The following DDR2 variants were observed in gnomAD, a reference collection of about 807,000 sequenced individuals.
The protein encoded by DDR2 is discoidin domain-containing receptor 2.
A neutral mutation model predicts 94.9 loss-of-function variants in DDR2; 27 were observed. The ratio of observed to expected loss-of-function variants is 0.28; its 90% CI spans 0.21 to 0.39. The LOEUF (loss-of-function observed/expected upper bound fraction) is 0.39, where lower values mean the gene tolerates loss of function less well. Ranked by LOEUF, DDR2 falls within the 10% of genes least tolerant of loss-of-function variation. The probability of loss-of-function intolerance (pLI) is 1.00; values close to 1 mark genes in which losing one functional copy is unlikely to be tolerated. For missense variants in DDR2, 783 were observed against 1,076.0 expected, an observed-to-expected ratio of 0.73 and a Z score of 3.81; for synonymous variants, 382 against 377.2, an observed-to-expected ratio of 1.01 and a Z score of -0.15.
At chr1:162,694,007 C>G (rs527930293) in intron 2 of DDR2, among the ~76,000 whole-genome samples, 14 of 152,172 alleles carry the variant, frequency 9.2e-5, no homozygotes, top group African/African-American at 3.1e-4. Flanking sequence ...TCTCGAGTAG[C>G]TGGGATTACA....
At chr1:162,705,055 C>T (rs759384771) in intron 2 of DDR2, 4 of 152,266 alleles carry the variant, frequency 2.6e-5, no homozygotes, top group African/African-American at 4.8e-5. Context: ...TTTGCAGATG[C>T]CTCCCAGGAC....
At chr1:162,657,637 A>G (rs1454157052) in intron 2 of DDR2, among the ~76,000 whole-genome samples, 1 of 152,122 alleles carries the variant, frequency 6.6e-6, no homozygotes, top group Non-Finnish European at 1.5e-5. Flanking sequence ...TCTGACACAG[A>G]TATTGTAGCA....
At chr1:162,633,494 A>G (rs1166521792) in intron 1 of DDR2, among the ~76,000 whole-genome samples, 2 of 152,204 alleles carry the variant, frequency 1.3e-5, no homozygotes, top group African/African-American at 4.8e-5. Flanking sequence ...CCTCTCATCT[A>G]ACCCCTTCGC....
At chr1:162,756,621 C>G (rs751899453) in intron 7 of DDR2, among the ~76,000 whole-genome samples, 1 of 152,064 alleles carries the variant, frequency 6.6e-6, no homozygotes, top group Non-Finnish European at 1.5e-5. Flanking sequence ...TGACAGGGCT[C>G]GAGAGAAGGA....
Position 162,761,369 on chromosome 1 carries a change from C to T in DDR2, c.1014C>T (p.Leu338=), listed in dbSNP as rs780534237. ...NPSARFVTVP[L]HHRMASAIKC... ...GTGCTCGGTTTGTCACGGTGCCTCT[C>T]CACCACCGAATGGCCAGTGCCATCA... Residue 338 remains leucine (L), a synonymous_variant, in exon 9 of 18, where the codon CTC becomes CTT. Transcript: ENST00000367921. The T allele has an allele frequency of 6.2e-7, 1 of 1,614,216 alleles. No individual in the cohort carries two copies. The highest frequency in any genetic ancestry group is 8.5e-7 in the Non-Finnish European group (1 of 1,180,036).
intron 1 of DDR2, among the ~76,000 whole-genome samples, chr1:162,649,258 A>T (rs1657561839): frequency 6.6e-6 from 1 of 152,156 alleles, no homozygotes; most frequent in Non-Finnish European, 1.5e-5. Flanking sequence ...TATCCAAGAG[A>T]GGGCGAGCTT....
rs1419195358 is a variant in DDR2 at position 162,786,833 on chromosome 1, C to T, written c.*6587C>T. Reference sequence around the variant, plus strand: ...GAGACACTGGGATTTTACGTCCTCACATTAATTAGTCCAGTTCTGGGGAAT... The same window carrying T: ...GAGACACTGGGATTTTACGTCCTCATATTAATTAGTCCAGTTCTGGGGAAT... On this transcript the variant is annotated 3_prime_UTR_variant, in exon 18 of 18. Transcript: ENST00000367921. The T allele has an allele frequency of 6.6e-6, 1 of 152,222 alleles. No homozygotes were observed. Among genetic ancestry groups the T allele is most frequent in the Non-Finnish European group, 1.5e-5 (1 of 68,052 alleles). 9.4% of individuals were successfully genotyped at this position (152,222 alleles called of 1,614,324 possible).
At chr1:162,769,547 T>A (rs1339995142) in intron 11 of DDR2, among the ~76,000 whole-genome samples, 3 of 152,216 alleles carry the variant, frequency 2.0e-5, no homozygotes, top group Non-Finnish European at 4.4e-5. Context: ...AAAGTGCACA[T>A]CTAAGTTTCG....
chr1:162,729,939 C>G (rs1018358623), intron 3 of DDR2, among the ~76,000 whole-genome samples: 68 of 150,716 alleles, frequency 4.5e-4, no homozygotes, highest in Non-Finnish European at 8.0e-4. Flanking sequence ...GACGAGGTTT[C>G]TCCATGTTGG....
chr1:162,727,926 A>T (rs1352612168), intron 3 of DDR2, among the ~76,000 whole-genome samples: 2 of 146,936 alleles, frequency 1.4e-5, no homozygotes, highest in African/African-American at 2.5e-5. Context: ...ACAGGCCAGG[A>T]CCAAGAGCTA....
At chr1:162,720,016 A>C (rs1464238467) in intron 3 of DDR2, among the ~76,000 whole-genome samples, 7 of 152,188 alleles carry the variant, frequency 4.6e-5, no homozygotes, top group Admixed American at 4.6e-4. Flanking sequence ...TTTTCAAGCC[A>C]CTGCTGAAAT....
At chr1:162,770,980 A>G (rs1453064600) in intron 12 of DDR2, among the ~76,000 whole-genome samples, 2 of 152,250 alleles carry the variant, frequency 1.3e-5, no homozygotes, top group Non-Finnish European at 2.9e-5. Context: ...CATTTAAATA[A>G]CTAAAATAAA....
chr1:162,756,285 A>G lies in DDR2; in HGVS notation c.671+516A>G, dbSNP rs551468573. On this transcript the variant is annotated intron_variant, in intron 7 of 17. Transcript: ENST00000367921. ...AATTGTAGCAGAGGAAGGTAGGTAG[A>G]AGGTAGCAGAAGAAAGGAAGCAGGG... 3.9e-5 allele frequency among the ~76,000 whole-genome samples: 6 copies of G among 152,308 alleles called. No homozygotes were observed. The South Asian group carries it at 1.0e-3, about 26-fold the overall frequency.
chr1:162,691,717 A>C (rs1659970346), intron 2 of DDR2, among the ~76,000 whole-genome samples: 1 of 152,240 alleles, frequency 6.6e-6, no homozygotes, highest in Admixed American at 6.5e-5. Context: ...CATGGTGTCA[A>C]TTGGCTCACA....
intron 2 of DDR2, among the ~76,000 whole-genome samples, chr1:162,681,648 C>A (rs954245704): frequency 6.6e-6 from 1 of 152,142 alleles, no homozygotes; most frequent in African/African-American, 2.4e-5. Context: ...TAACTGTTTT[C>A]TTGCTGTGTT....
chr1:162,772,355 T>C (rs1299032300), intron 13 of DDR2, 108 bp downstream of exon 13: 5 of 1,149,008 alleles, frequency 4.4e-6, no homozygotes, highest in Non-Finnish European at 6.4e-6. Flanking sequence ...AGAATGTCTC[T>C]TCCATTTGTC....
chr1:162,649,407 G>A (rs745805419), intron 1 of DDR2, among the ~76,000 whole-genome samples: 16 of 152,144 alleles, frequency 1.1e-4, no homozygotes, highest in Non-Finnish European at 2.1e-4. Context: ...GTAGTGTCAT[G>A]CAAAGAAACA....
chr1:162,634,488 A>G (rs1355887958), intron 1 of DDR2, among the ~76,000 whole-genome samples: 1 of 152,214 alleles, frequency 6.6e-6, no homozygotes, highest in East Asian at 1.9e-4. Context: ...AGAACGTCAT[A>G]TGAGGCAGCC....
At chr1:162,699,538 G>C (rs1305561039) in intron 2 of DDR2, among the ~76,000 whole-genome samples, 1 of 152,180 alleles carries the variant, frequency 6.6e-6, no homozygotes, top group Non-Finnish European at 1.5e-5. Flanking sequence ...TGTTGTTGGA[G>C]GACAGCTCGA....
Sources: allele counts gnomAD v4.1 joint callset (sites outside exome capture counted in the v4.1 genomes callset), GRCh38; gene constraint gnomAD v4.1.1; transcripts MANE v1.5; gene names NCBI Gene and HGNC (gene_info 2026-07-23, HGNC 2026-07-21).